The following ADGRL3 variants were observed in gnomAD, a reference collection of about 807,000 sequenced individuals.
ADGRL3 encodes the protein adhesion G protein-coupled receptor L3.
ADGRL3 carries 62 observed loss-of-function variants against 153.5 expected under a neutral mutation model. That is an observed-to-expected ratio of 0.40 (90% confidence interval 0.33 to 0.50). ADGRL3 has a LOEUF of 0.50. Among genes scored for constraint, ADGRL3 ranks in the 20% least tolerant of loss-of-function variants. The probability of loss-of-function intolerance (pLI) is 0.47; values close to 1 mark genes in which losing one functional copy is unlikely to be tolerated. For missense variants in ADGRL3, 1,641 were observed against 1,859.4 expected (o/e 0.88, Z 2.16); for synonymous variants, 710 against 672.5 (o/e 1.06, Z -0.86).
In ADGRL3 at chr4:61,905,861, C is replaced by G. The variant is rs138657585; in HGVS notation, c.1888-3699C>G. Reference sequence around the variant, plus strand: ...AGTGAGTCGAGATCATGCCACTGCACTCCAGCCTCAGAGACAGAGGAAGAC... The same window carrying G: ...AGTGAGTCGAGATCATGCCACTGCAGTCCAGCCTCAGAGACAGAGGAAGAC... On this transcript the variant is annotated intron_variant, in intron 11 of 26. Coordinates refer to ENST00000683033, the MANE Select transcript of ADGRL3 (RefSeq NM_001387552.1). Among the ~76,000 whole-genome samples, 1,363 of 150,644 alleles carry G rather than the reference C, an allele frequency of 9.0e-3. 18 individuals are homozygous for G. The highest frequency in any genetic ancestry group is 0.032 in the African/African-American group (1,301 of 40,926).
Position 61,871,737 on chromosome 4 carries a change from TTAGG to T in ADGRL3, c.1481-20915_1481-20912del, listed in dbSNP as rs952342235. Among the ~76,000 whole-genome samples, 41 of 152,320 alleles carry T rather than the reference TTAGG, an allele frequency of 2.7e-4. No individual in the cohort carries two copies. In the East Asian group the frequency reaches 3.7e-3, roughly 14 times the overall value. ...TACTAAAAATCATTGAATTGTACAC[TTAGG>T]TAGCTGAATTATATGGTATGTGAAT... On this transcript the variant is annotated intron_variant, in intron 9 of 26. Coordinates refer to ENST00000683033, the MANE Select transcript of ADGRL3 (RefSeq NM_001387552.1).
chr4:61,572,743 T>C (rs1055952914), intron 4 of ADGRL3, among the ~76,000 whole-genome samples: 1 of 152,076 alleles, frequency 6.6e-6, no homozygotes, highest in Non-Finnish European at 1.5e-5. Flanking sequence ...AGTTATGTCA[T>C]AATTTTTTGA....
At position 61,733,409 on chromosome 4, in the gene ADGRL3, T is replaced by G. The variant is rs2151825702; in HGVS notation, c.1254T>G (p.Asp418Glu). ...TTTACAACACTGACCAAAGCAAGGATAGTTTGGTGGATGTACCCTTTCCTA... is the reference window on the plus strand; with the variant it reads ...TTTACAACACTGACCAAAGCAAGGAGAGTTTGGTGGATGTACCCTTTCCTA... The part of the protein sequence containing the change: ...DYIYNTDQSK[D>E]SLVDVPFPNS... The change falls in exon 8 of 27, where the codon GAT (aspartate) becomes GAG (glutamate). Residue 418 changes from aspartate (D) to glutamate (E), a missense_variant. Physicochemically the swap from Asp to Glu is conservative, Grantham distance 45. Coordinates refer to ENST00000683033, the MANE Select transcript of ADGRL3 (RefSeq NM_001387552.1). 1 of 1,613,732 alleles carries G rather than the reference T, an allele frequency of 6.2e-7. No individual in the cohort carries two copies. The highest frequency in any genetic ancestry group is 2.2e-5 in the East Asian group (1 of 44,862).
At chr4:61,688,721 A>G (rs548122275) in intron 6 of ADGRL3, among the ~76,000 whole-genome samples, 15 of 152,226 alleles carry the variant, frequency 9.9e-5, no homozygotes, top group Non-Finnish European at 2.1e-4. Context: ...GAGTTATAGT[A>G]TTCTCTACCT....
intron 6 of ADGRL3, among the ~76,000 whole-genome samples, chr4:61,680,240 G>A (rs972104431): frequency 6.6e-6 from 1 of 151,888 alleles, no homozygotes; most frequent in Non-Finnish European, 1.5e-5. Context: ...ACAACTGAAC[G>A]AACAGTGTTA....
At chr4:61,370,549 G>A (rs1340761999) in intron 1 of ADGRL3, among the ~76,000 whole-genome samples, 35 of 152,142 alleles carry the variant, frequency 2.3e-4, no homozygotes, top group African/African-American at 8.4e-4. Context: ...TTTGAGTGAG[G>A]TTCTTAATCC....
intron 4 of ADGRL3, among the ~76,000 whole-genome samples, chr4:61,562,060 CAATAAAGCAAG>C (rs1372527004): frequency 6.6e-6 from 1 of 151,730 alleles, no homozygotes; most frequent in African/African-American, 2.4e-5. Context: ...GTAAATATTG[CAATAAAGCAAG>C]AATAAAGCAA....
chr4:62,038,944 C>T (rs892116257), intron 24 of ADGRL3, among the ~76,000 whole-genome samples: 5 of 151,982 alleles, frequency 3.3e-5, no homozygotes, highest in Non-Finnish European at 7.4e-5. Context: ...AAAAAAAAAG[C>T]ATGTTTTCAG....
At chr4:61,468,953 C>T (rs1027017591) in intron 2 of ADGRL3, among the ~76,000 whole-genome samples, 1 of 152,040 alleles carries the variant, frequency 6.6e-6, no homozygotes, top group Non-Finnish European at 1.5e-5. Context: ...TAATGAAACT[C>T]TTCTTATTTT....
chr4:61,860,700 A>G (rs2098331718), intron 9 of ADGRL3, among the ~76,000 whole-genome samples: 1 of 152,172 alleles, frequency 6.6e-6, no homozygotes, highest in African/African-American at 2.4e-5. Flanking sequence ...CATATCTCAG[A>G]ACCCTTTCAT....
At chr4:61,224,638 G>T (rs1236827866) in intron 1 of ADGRL3, among the ~76,000 whole-genome samples, 2 of 152,192 alleles carry the variant, frequency 1.3e-5, no homozygotes, top group Admixed American at 1.3e-4. Flanking sequence ...TAGAGGTGCA[G>T]ACATGAACAC....
At chr4:61,938,902 A>G (rs1228915894) in intron 15 of ADGRL3, among the ~76,000 whole-genome samples, 1 of 129,842 alleles carries the variant, frequency 7.7e-6, no homozygotes, top group Admixed American at 8.0e-5. Context: ...TTTTTTTCCT[A>G]TCTCCCCGCC....
intron 8 of ADGRL3, among the ~76,000 whole-genome samples, chr4:61,813,541 T>C (rs1300221140): frequency 1.5e-4 from 23 of 152,210 alleles, no homozygotes; most frequent in African/African-American, 4.8e-4. Context: ...ATTTTTATTG[T>C]GTTTTTAAAG....
chr4:61,753,906 G>A (rs1048594952), intron 8 of ADGRL3, among the ~76,000 whole-genome samples: 11 of 152,110 alleles, frequency 7.2e-5, no homozygotes, highest in Non-Finnish European at 1.6e-4. Flanking sequence ...AAAAGCGCCT[G>A]GAGGCTAGGA....
intron 21 of ADGRL3, among the ~76,000 whole-genome samples, chr4:62,019,921 T>C (rs1176492373): frequency 6.6e-6 from 1 of 152,188 alleles, no homozygotes; most frequent in African/African-American, 2.4e-5. Context: ...ATCTTATTTA[T>C]TGTGGAGGCG....
At chr4:61,698,978 A>G (rs1286993260) in intron 6 of ADGRL3, among the ~76,000 whole-genome samples, 1 of 152,176 alleles carries the variant, frequency 6.6e-6, no homozygotes, top group African/African-American at 2.4e-5. Flanking sequence ...TCCTCTAGGG[A>G]CTTCCATTTA....
chr4:61,585,013 G>T (rs935163880), intron 4 of ADGRL3, among the ~76,000 whole-genome samples: 1 of 151,970 alleles, frequency 6.6e-6, no homozygotes, highest in Non-Finnish European at 1.5e-5. Flanking sequence ...TGTCTATTGT[G>T]AGAGTACCTT....
At chr4:61,291,295 A>G (rs1237284486) in intron 1 of ADGRL3, among the ~76,000 whole-genome samples, 12 of 151,360 alleles carry the variant, frequency 7.9e-5, no homozygotes, top group Non-Finnish European at 1.5e-4. Flanking sequence ...AATATTTGGG[A>G]AAAAAAATTG....
At chr4:61,699,275 G>A (rs1052220146) in intron 6 of ADGRL3, among the ~76,000 whole-genome samples, 6 of 151,972 alleles carry the variant, frequency 3.9e-5, no homozygotes, top group Non-Finnish European at 1.5e-5. Flanking sequence ...AGGGAAGGGT[G>A]ATTAAGGTGA....
Sources: allele counts gnomAD v4.1 joint callset (sites outside exome capture counted in the v4.1 genomes callset), GRCh38; gene constraint gnomAD v4.1.1; transcripts MANE v1.5; gene names NCBI Gene and HGNC (gene_info 2026-07-23, HGNC 2026-07-21).